Variants in PRKD2 observed in about 807,000 individuals in gnomAD.
The protein encoded by PRKD2 is serine/threonine-protein kinase D2.
Under a neutral mutation model 86.0 loss-of-function variants are expected in PRKD2, and 22 were observed. The observed-to-expected ratio is 0.26, with a 90% CI of 0.18 to 0.37. The LOEUF is 0.37. Ranked by LOEUF, PRKD2 falls within the 10% of genes least tolerant of loss-of-function variation. The probability of loss-of-function intolerance (pLI) is 1.00; values close to 1 mark genes in which losing one functional copy is unlikely to be tolerated. For missense variants in PRKD2, 818 were observed against 1,199.2 expected (o/e 0.68, Z 4.70); for synonymous variants, 509 against 510.9 (o/e 1.00, Z 0.05).
Position 46,690,792 on chromosome 19 carries a change from C to T in PRKD2, c.1703-86G>A, listed in dbSNP as rs142916813. 8.3e-3 allele frequency: 10,240 copies of T among 1,230,910 alleles called. 202 individuals are homozygous for T. The highest frequency in any genetic ancestry group is 0.043 in the South Asian group (3,390 of 79,342). The allele number at this position is 1,230,910 out of a possible 1,614,324, so 76.2% of individuals were successfully genotyped here. On this transcript the variant is annotated intron_variant, in intron 12 of 17. Transcript: ENST00000291281. ...GTATCTCCACCTCTGCCAACCTCTG[C>T]CCCCCACCATGGAGACAGCCAGAGT...
At chr19:46,701,171 CT>C in intron 5 of PRKD2, 59 bp from the exon 6 acceptor site, 1 of 1,545,200 alleles carries the variant, frequency 6.5e-7, no homozygotes, top group East Asian at 2.2e-5. Context: ...ACCTGGAAGG[CT>C]TGAACCTTGA....
rs1568721720 is a variant in PRKD2, at chr19:46,689,697, C to T, written c.1811G>A (p.Ser604Asn). The T allele has an allele frequency of 6.2e-7, 1 of 1,614,018 alleles. No homozygotes were observed. Among genetic ancestry groups the T allele is most frequent in the Admixed American group, 1.7e-5 (1 of 60,006 alleles). ...QLRNEVAILQ[S>N]LRHPGIVNLE... ...GTTCACGATCCCGGGATGCCGCAGG[C>T]TCTGCAGGGTGGGGAGCGGGGTCAG... Residue 604 changes from serine to asparagine, a missense_variant and splice_region_variant, in exon 14 of 18, where the codon AGC (serine) becomes AAC (asparagine). Transcript: ENST00000291281.
rs748749845 is a variant in PRKD2 at position 46,678,478 on chromosome 19, G to C, written c.2256C>G (p.Asn752Lys). 1.2e-6 allele frequency: 2 copies of C among 1,614,214 alleles called. No individual in the cohort carries two copies. The highest frequency in any genetic ancestry group is 1.3e-5 in the African/African-American group (1 of 75,050). Residue 752 changes from asparagine to lysine, a missense_variant, in exon 16 of 18, where the codon AAC (asparagine) becomes AAG (lysine). By Grantham distance (94) the Asn-to-Lys change is moderately conservative. Around this residue, in one of 5 missense-constraint regions of PRKD2, gnomAD observed 154 missense variants for 359.6 expected, o/e 0.43. Coordinates refer to ENST00000291281, the MANE Select transcript of PRKD2 (RefSeq NM_016457.5). This position sits in a 1 kb window ranked among gnomAD's most constrained non-coding sequence, Gnocchi z 5.7. The stretch of plus-strand genomic sequence containing the variant: ...TCTGGTCATTGATGTCCTCATCCTC[G>C]TTGAAAGGGAAGGTGCCGCTGAGGC... ...YVSLSGTFPF[N>K]EDEDINDQIQ...
intron 14 of PRKD2, among the ~76,000 whole-genome samples, chr19:46,688,017 T>C (rs1043018855): frequency 6.6e-6 from 1 of 152,108 alleles, no homozygotes; most frequent in African/African-American, 2.4e-5. Context: ...ACTACAGACA[T>C]GTGCTACCAG....
chr19:46,694,010 T>A lies in PRKD2; in HGVS notation c.1441A>T (p.Met481Leu). The A allele has an allele frequency of 1.9e-6, 3 of 1,613,998 alleles. No homozygotes were observed. The highest frequency in any genetic ancestry group is 1.1e-5 in the South Asian group (1 of 91,090). Residue 481 changes from methionine to leucine, a missense_variant, in exon 10 of 18, where the codon ATG (methionine) becomes TTG (leucine). By Grantham distance (15) the Met-to-Leu change is conservative. Transcript: ENST00000291281. ...TANATYFVGE[M>L]PGGTPGGPSG... is the part of the protein sequence containing the mutation. ...GGCCCACCCGGAGTCCCGCCAGGCA[T>A]CTCGCCCACGAAGTAGGTGGCATTG...
At chr19:46,695,290 G>A (rs748950161) in intron 9 of PRKD2, among the ~76,000 whole-genome samples, 5 of 152,148 alleles carry the variant, frequency 3.3e-5, no homozygotes, top group African/African-American at 7.2e-5. Flanking sequence ...TTCGAGACCC[G>A]CCTGACCAAC....
At position 46,710,148 on chromosome 19, in the gene PRKD2, C is replaced by T. The variant is rs142259808; in HGVS notation, c.511+759G>A. ...TCCTGACCTCGTGATCCACCCGCCT[C>T]GGCCTCCCAAAGTGCTGGGATTACA... On this transcript the variant is annotated intron_variant, in intron 3 of 17. Coordinates refer to ENST00000291281, the MANE Select transcript of PRKD2 (RefSeq NM_016457.5). Among the ~76,000 whole-genome samples the T allele has an allele frequency of 8.2e-3, 1,246 of 152,212 alleles. 57 individuals are homozygous for T. The East Asian group carries it at 0.12, about 14-fold the overall frequency.
Position 46,707,926 on chromosome 19 carries a change from G to A in PRKD2, c.511+2981C>T, listed in dbSNP as rs554240934. 3.9e-5 allele frequency among the ~76,000 whole-genome samples: 6 copies of A among 152,094 alleles called. No individual in the cohort carries two copies. The South Asian group carries it at 1.2e-3, about 32-fold the overall frequency. ...AGCCTGGCCAACGTGGTGAAACCCC[G>A]TCTCTACTAGAAATACAAAAATTAG... On this transcript the variant is annotated intron_variant, in intron 3 of 17. Transcript: ENST00000291281.
chr19:46,714,208 G>A, intron 1 of PRKD2: 2 of 1,326,348 alleles, frequency 1.5e-6, no homozygotes, highest in African/African-American at 1.5e-5. Context: ...AGGGGGCGCC[G>A]GCGTGGGTTT....
intron 16 of PRKD2, among the ~76,000 whole-genome samples, chr19:46,677,910 C>T (rs759556403): frequency 1.3e-5 from 2 of 152,212 alleles, no homozygotes; most frequent in Non-Finnish European, 2.9e-5. Flanking sequence ...GTCACGGCCC[C>T]AGTACACAGC....
At chr19:46,684,136 TC>T in intron 14 of PRKD2, among the ~76,000 whole-genome samples, 1 of 152,230 alleles carries the variant, frequency 6.6e-6, no homozygotes, top group East Asian at 1.9e-4. Flanking sequence ...TTTAAAAAAA[TC>T]TTTTTGTAGA....
At chr19:46,708,712 C>A (rs890062743) in intron 3 of PRKD2, among the ~76,000 whole-genome samples, 1 of 152,178 alleles carries the variant, frequency 6.6e-6, no homozygotes, top group African/African-American at 2.4e-5. Flanking sequence ...GCAGGCTACA[C>A]CAGAAACAGA....
chr19:46,711,099 C>G, intron 2 of PRKD2, 61 bp from the exon 3 acceptor site: 1 of 1,514,652 alleles, frequency 6.6e-7, no homozygotes, highest in Non-Finnish European at 8.9e-7. Flanking sequence ...TTTCCAGACC[C>G]CACGTTCCCT....
intron 9 of PRKD2, among the ~76,000 whole-genome samples, chr19:46,696,651 A>C (rs2053562582): frequency 6.6e-6 from 1 of 152,024 alleles, no homozygotes. Context: ...CTAGGGTGGG[A>C]GGCTGAGGCA....
At chr19:46,696,951 C>T (rs1189248981) in intron 9 of PRKD2, among the ~76,000 whole-genome samples, 2 of 152,038 alleles carry the variant, frequency 1.3e-5, no homozygotes, top group Non-Finnish European at 2.9e-5. Flanking sequence ...AGTAAGGGAA[C>T]CTGCCCGGAG....
chr19:46,687,932 G>A (rs186738751), intron 14 of PRKD2, among the ~76,000 whole-genome samples: 110 of 152,202 alleles, frequency 7.2e-4, no homozygotes, highest in Admixed American at 1.2e-3. Context: ...GCAGTGGCAC[G>A]GTCATAGCTC....
chr19:46,678,686 G>A lies in PRKD2; in HGVS notation c.2071-23C>T, dbSNP rs368256973. ...CACCTGCAGAGGGCAAGGGATGGAG[G>A]CTCCACCAGGTGATGGAGCCGCACC... On this transcript the variant is annotated intron_variant, in intron 15 of 17. Transcript: ENST00000291281. The surrounding 1 kb of genome is among the most constrained non-coding windows in gnomAD (Gnocchi z 5.7). The A allele has an allele frequency of 1.6e-5, 26 of 1,593,182 alleles. No individual in the cohort carries two copies. Among genetic ancestry groups the A allele is most frequent in the Non-Finnish European group, 2.0e-5 (24 of 1,174,332 alleles).
At chr19:46,686,794 A>G (rs2053405064) in intron 14 of PRKD2, among the ~76,000 whole-genome samples, 1 of 151,902 alleles carries the variant, frequency 6.6e-6, no homozygotes, top group African/African-American at 2.4e-5. Flanking sequence ...TACTGAAAAT[A>G]CAAAAAATTA....
At chr19:46,687,290 G>A (rs184062212) in intron 14 of PRKD2, among the ~76,000 whole-genome samples, 2 of 152,252 alleles carry the variant, frequency 1.3e-5, no homozygotes, top group African/African-American at 4.8e-5. Flanking sequence ...TACTCAGGAG[G>A]CTGAGGCAGG....
Sources: allele counts gnomAD v4.1 joint callset (sites outside exome capture counted in the v4.1 genomes callset), GRCh38; gene constraint gnomAD v4.1.1; regional missense constraint gnomAD v4.1.1; non-coding constraint Gnocchi (gnomAD v3.1); transcripts MANE v1.5; gene names NCBI Gene and HGNC (gene_info 2026-07-23, HGNC 2026-07-21).